Variants in RHOU observed in about 807,000 individuals in gnomAD.
RHOU encodes ras homolog family member U, also known as rho-related GTP-binding protein RhoU.
RHOU carries 8 observed loss-of-function variants against 12.6 expected under a neutral mutation model. The observed-to-expected ratio is 0.64, with a 90% confidence interval of 0.37 to 1.15. The LOEUF (loss-of-function observed/expected upper bound fraction) is 1.15, where lower values mean the gene tolerates loss of function less well. Ranked by LOEUF, RHOU falls within the 50% of genes most tolerant of loss-of-function variation. The pLI is 0.01. For missense variants in RHOU, 258 were observed against 347.0 expected, an observed-to-expected ratio of 0.74 and a Z score of 2.04; for synonymous variants, 161 against 147.4, an observed-to-expected ratio of 1.09 and a Z score of -0.67.
At chr1:228,722,464 G>T in the RHOU span, among the ~76,000 whole-genome samples, 1 of 152,100 alleles carries the variant, frequency 6.6e-6, no homozygotes, top group Admixed American at 6.5e-5. Context: ...TTCAATTGCC[G>T]GCCCAATATT....
Position 228,743,678 on chromosome 1 carries a change from A to G in RHOU, c.715A>G (p.Thr239Ala). Residue 239 changes from threonine (T) to alanine (A), a missense_variant, in exon 3 of 3, where the codon ACT becomes GCT. By Grantham distance (58) the Thr-to-Ala change is moderately conservative. Transcript: ENST00000366691. The surrounding 1 kb of genome is among the most constrained non-coding windows in gnomAD (Gnocchi z 5.1). Reference protein sequence around the residue: ...QQQPKKSKSRTPDKMKNLSKS... With the variant: ...QQQPKKSKSRAPDKMKNLSKS... ...ACAGCCAAAGAAGTCTAAAAGCAGG[A>G]CTCCAGATAAAATGAAAAACCTCTC... 1.2e-6 allele frequency: 2 copies of G among 1,613,960 alleles called. No homozygotes were observed. The highest frequency in any genetic ancestry group is 1.7e-6 in the Non-Finnish European group (2 of 1,179,960).
At chr1:228,712,284 A>G in the RHOU span, among the ~76,000 whole-genome samples, 22 of 149,608 alleles carry the variant, frequency 1.5e-4, no homozygotes, top group Non-Finnish European at 4.5e-5. Context: ...TAGAAATACC[A>G]TTTGACCCAG....
At chr1:228,715,915 C>CTTT in the RHOU span, among the ~76,000 whole-genome samples, 2 of 133,904 alleles carry the variant, frequency 1.5e-5, no homozygotes, top group African/African-American at 2.8e-5. Flanking sequence ...AAAGTATGAA[C>CTTT]TTTTTTTTTT....
the RHOU span, among the ~76,000 whole-genome samples, chr1:228,662,314 G>A: frequency 2.6e-5 from 4 of 152,188 alleles, no homozygotes; most frequent in African/African-American, 9.7e-5. Flanking sequence ...ATTTGACCCA[G>A]CGATCCCATT....
At chr1:228,733,527 G>C (rs1264008012), upstream of RHOU, among the ~76,000 whole-genome samples, 1 of 152,146 alleles carries the variant, frequency 6.6e-6, no homozygotes, top group African/African-American at 2.4e-5. Flanking sequence ...AGCTGGTCTC[G>C]AACTCGTGGC....
the RHOU span, among the ~76,000 whole-genome samples, chr1:228,677,513 A>G: frequency 1.3e-5 from 2 of 150,952 alleles, no homozygotes; most frequent in Non-Finnish European, 2.9e-5. Flanking sequence ...CCTTTTTTTT[A>G]GCAGTGAGTA....
the RHOU span, among the ~76,000 whole-genome samples, chr1:228,697,041 A>T: frequency 6.6e-6 from 1 of 152,188 alleles, no homozygotes; most frequent in Non-Finnish European, 1.5e-5. Context: ...ATCTGACTAG[A>T]TGGTTTGATG....
the RHOU span, among the ~76,000 whole-genome samples, chr1:228,664,119 C>T: frequency 4.0e-5 from 6 of 150,930 alleles, no homozygotes; most frequent in African/African-American, 1.2e-4. Flanking sequence ...CTCGGGCTCG[C>T]GTGATCTCCC....
the RHOU span, among the ~76,000 whole-genome samples, chr1:228,700,596 C>A: frequency 6.6e-6 from 1 of 152,026 alleles, no homozygotes; most frequent in Non-Finnish European, 1.5e-5. Flanking sequence ...ATTAAGGTTG[C>A]AATTGACAAG....
chr1:228,656,793 A>G, the RHOU span, among the ~76,000 whole-genome samples: 1 of 152,136 alleles, frequency 6.6e-6, no homozygotes, highest in Non-Finnish European at 1.5e-5. Context: ...TAATGCATAT[A>G]AAAAAAGGTA....
At chr1:228,718,110 T>C in the RHOU span, among the ~76,000 whole-genome samples, 3 of 152,266 alleles carry the variant, frequency 2.0e-5, no homozygotes, top group South Asian at 4.1e-4. Context: ...AAATTAGAGA[T>C]CATAATGAGA....
chr1:228,705,616 C>T, the RHOU span, among the ~76,000 whole-genome samples: 1 of 152,186 alleles, frequency 6.6e-6, no homozygotes, highest in African/African-American at 2.4e-5. Context: ...TTGCCATTTA[C>T]TGCCAGTTTC....
At chr1:228,664,735 G>C in the RHOU span, among the ~76,000 whole-genome samples, 1 of 152,138 alleles carries the variant, frequency 6.6e-6, no homozygotes, top group East Asian at 1.9e-4. Flanking sequence ...CCAGGTTCAA[G>C]CAATTCTTCT....
chr1:228,646,414 G>T, the RHOU span, among the ~76,000 whole-genome samples: 1 of 25,054 alleles, frequency 4.0e-5, no homozygotes, highest in Non-Finnish European at 8.1e-5. Flanking sequence ...GCCCTGTCGC[G>T]GAGGCAGCGT....
the RHOU span, among the ~76,000 whole-genome samples, chr1:228,696,606 G>A: frequency 0.011 from 1,699 of 152,202 alleles, 31 homozygotes; most frequent in African/African-American, 0.039. Context: ...GAGTGCAGTG[G>A]TGCTATCACA....
At chr1:228,673,681 G>A in the RHOU span, among the ~76,000 whole-genome samples, 25 of 152,174 alleles carry the variant, frequency 1.6e-4, no homozygotes, top group Non-Finnish European at 2.9e-4. Context: ...TTCACCTTCC[G>A]CCATAATGTA....
At chr1:228,719,532 C>T in the RHOU span, among the ~76,000 whole-genome samples, 7 of 152,158 alleles carry the variant, frequency 4.6e-5, no homozygotes. Flanking sequence ...GAGTTCGAGA[C>T]CAGCCTGGCC....
rs1662803897 is a variant in RHOU, at chr1:228,745,233, G to A, written c.*1493G>A. On this transcript the variant is annotated 3_prime_UTR_variant, in exon 3 of 3. Transcript: ENST00000366691. ...AAAAAGGTGCCATCTCAGGAGAATA[G>A]CTTTTACTCTGGTAGGAATGCTTCC... 6.6e-6 allele frequency: 1 copy of A among 152,190 alleles called. No homozygotes were observed. Among genetic ancestry groups the A allele is most frequent in the Non-Finnish European group, 1.5e-5 (1 of 68,046 alleles). The allele number at this position is 152,190 out of a possible 1,614,324, so 9.4% of individuals were successfully genotyped here.
rs1287218608 is a variant in RHOU at position 228,735,609 on chromosome 1, C to G, written c.-134C>G. 1.3e-5 allele frequency: 9 copies of G among 669,886 alleles called. No homozygotes were observed. Among genetic ancestry groups the G allele is most frequent in the Non-Finnish European group, 2.0e-6 (1 of 498,890 alleles). 41.5% of individuals were successfully genotyped at this position (669,886 alleles called of 1,614,324 possible). ...TGTCTACTGGCCGTGCGGCCCGGAA[C>G]CGCCACTCTCCAGGGCCGGGGACGC... On this transcript the variant is annotated 5_prime_UTR_variant, in exon 1 of 3. Transcript: ENST00000366691. The surrounding 1 kb of genome is among the most constrained non-coding windows in gnomAD (Gnocchi z 8.1).
Sources: gnomAD v4.1 joint callset for allele counts (sites outside exome capture counted in the v4.1 genomes callset) on GRCh38, gnomAD v4.1.1 for gene constraint, Gnocchi (gnomAD v3.1) non-coding constraint, MANE v1.5 for transcripts, NCBI Gene and HGNC (gene_info 2026-07-23, HGNC 2026-07-21) for gene names.